PKHD1: variants seen among roughly 807,000 people sequenced by gnomAD.
PKHD1 encodes fibrocystin.
PKHD1 carries 291 observed loss-of-function variants against 412.0 expected under a neutral mutation model. The observed-to-expected ratio is 0.71, with a 90% CI of 0.64 to 0.78. The LOEUF (loss-of-function observed/expected upper bound fraction) is 0.78, where lower values mean the gene tolerates loss of function less well. Among genes scored for constraint, PKHD1 ranks in the 30% least tolerant of loss-of-function variants. PKHD1 has a pLI of 0.00. For missense variants in PKHD1, 4,825 were observed against 4,950.7 expected, an observed-to-expected ratio of 0.97 and a Z score of 0.76; for synonymous variants, 1,777 against 1,821.5, an observed-to-expected ratio of 0.98 and a Z score of 0.62.
At chr6:52,050,348 T>A in intron 21 of PKHD1, 53 bp from the exon 22 acceptor site, 1 of 1,592,664 alleles carries the variant, frequency 6.3e-7, no homozygotes, top group South Asian at 1.1e-5. Context: ...GTAGACTTGC[T>A]GTGTGGAAAA....
rs1203598828 is a variant in PKHD1, at chr6:51,855,988, TATC to T, written c.7813_7815del (p.Asp2605del). 6.2e-7 allele frequency: 1 copy of T among 1,609,778 alleles called. No individual in the cohort carries two copies. Among genetic ancestry groups the T allele is most frequent in the Non-Finnish European group, 8.5e-7 (1 of 1,176,058 alleles). On this transcript the variant is annotated inframe_deletion, in exon 49 of 67. Transcript: ENST00000371117. ...ATCCAGCCACGAGGGTTAGACAATG[TATC>T]ACGTACATAATTGACAGTGGTTGTT...
chr6:51,792,483 A>G (rs946810426), intron 52 of PKHD1, among the ~76,000 whole-genome samples: 1 of 152,230 alleles, frequency 6.6e-6, no homozygotes, highest in Non-Finnish European at 1.5e-5. Context: ...TTCCTGCATT[A>G]TAAGAATGGC....
At chr6:51,800,738 C>T (rs899163029) in intron 52 of PKHD1, among the ~76,000 whole-genome samples, 3 of 152,156 alleles carry the variant, frequency 2.0e-5, no homozygotes, top group Non-Finnish European at 4.4e-5. Flanking sequence ...CAGGCAGACC[C>T]ACTGCTTGTA....
chr6:51,899,721 C>T (rs906361584), intron 43 of PKHD1, among the ~76,000 whole-genome samples: 11 of 152,190 alleles, frequency 7.2e-5, no homozygotes, highest in African/African-American at 2.7e-4. Flanking sequence ...AAGACGAAGT[C>T]AAATTGTCCC....
At position 52,076,296 on chromosome 6, in the gene PKHD1, T is replaced by C. The variant is rs141093030; in HGVS notation, c.428A>G (p.Tyr143Cys). Residue 143 changes from tyrosine to cysteine, a missense_variant, in exon 6 of 67, where the codon TAT becomes TGT. By Grantham distance (194) the Tyr-to-Cys change is radical. Coordinates refer to ENST00000371117, the MANE Select transcript of PKHD1 (RefSeq NM_138694.4). ...KAQTPIVHQV[Y>C]PPSGVPGKLI... ...CTTACCTGGAACACCACTTGGTGGATAAACTTGGTGAACGATGGGTGTCTG... is the reference window on the plus strand; with the variant it reads ...CTTACCTGGAACACCACTTGGTGGACAAACTTGGTGAACGATGGGTGTCTG... 2.6e-5 allele frequency: 42 copies of C among 1,611,538 alleles called. No individual in the cohort carries two copies. Among genetic ancestry groups the C allele is most frequent in the Non-Finnish European group, 3.5e-5 (41 of 1,177,818 alleles).
chr6:51,755,375 T>C (rs1337359396), intron 55 of PKHD1, among the ~76,000 whole-genome samples: 1 of 152,180 alleles, frequency 6.6e-6, no homozygotes, highest in Non-Finnish European at 1.5e-5. Context: ...CTTTTCATCA[T>C]GTGTTACAAA....
At chr6:52,039,561 C>T (rs527476373) in intron 27 of PKHD1, among the ~76,000 whole-genome samples, 3 of 152,178 alleles carry the variant, frequency 2.0e-5, no homozygotes, top group Non-Finnish European at 4.4e-5. Context: ...GTCAATTACA[C>T]CTCTTTTCTT....
In PKHD1 at chr6:52,046,200, G is replaced by C. The variant is rs1207504818; in HGVS notation, c.2408-12C>G. On this transcript the variant is annotated splice_polypyrimidine_tract_variant and intron_variant, in intron 23 of 66. Coordinates refer to ENST00000371117, the MANE Select transcript of PKHD1 (RefSeq NM_138694.4). ...TTGTACAGGGACATCTGTGAGAGAA[G>C]GTTTTGATACAGAAAACACAGACAC... is the stretch of plus-strand genomic sequence containing the variant. 3.7e-6 allele frequency: 6 copies of C among 1,600,258 alleles called. No individual in the cohort carries two copies. Among genetic ancestry groups the C allele is most frequent in the African/African-American group, 1.3e-5 (1 of 74,626 alleles).
At chr6:52,068,371 A>G (rs1342627963) in intron 11 of PKHD1, among the ~76,000 whole-genome samples, 1 of 152,216 alleles carries the variant, frequency 6.6e-6, no homozygotes, top group East Asian at 1.9e-4. Context: ...GAGCTGTGTC[A>G]TCAGAGATAC....
chr6:52,070,354 A>T, intron 10 of PKHD1, 52 bp downstream of exon 10: 1 of 1,032,004 alleles, frequency 9.7e-7, no homozygotes, highest in Non-Finnish European at 1.5e-6. Context: ...TGAGAGAGAT[A>T]GGTAATATAA....
intron 52 of PKHD1, among the ~76,000 whole-genome samples, chr6:51,821,153 A>G (rs1766355440): frequency 6.6e-6 from 1 of 152,232 alleles, no homozygotes; most frequent in South Asian, 2.1e-4. Flanking sequence ...ATTCCATGAG[A>G]CAAAGTTCTT....
chr6:52,078,206 C>A (rs1346730677), intron 5 of PKHD1, among the ~76,000 whole-genome samples: 1 of 152,108 alleles, frequency 6.6e-6, no homozygotes, highest in Non-Finnish European at 1.5e-5. Flanking sequence ...ACTTGTGATT[C>A]TCTCTGAGCT....
chr6:51,707,664 C>A (rs1780171322), intron 60 of PKHD1, among the ~76,000 whole-genome samples: 1 of 152,064 alleles, frequency 6.6e-6, no homozygotes, highest in Non-Finnish European at 1.5e-5. Flanking sequence ...TCCCACTTAC[C>A]CCCAACCCAT....
intron 51 of PKHD1, among the ~76,000 whole-genome samples, chr6:51,831,494 A>T (rs1768240844): frequency 6.6e-6 from 1 of 152,186 alleles, no homozygotes; most frequent in Non-Finnish European, 1.5e-5. Flanking sequence ...GCTACATATC[A>T]TATTTTAAAA....
chr6:51,659,968 A>T lies in PKHD1; in HGVS notation c.10158T>A (p.Gly3386=), dbSNP rs896416453. Residue 3386 remains glycine (G), a splice_region_variant and synonymous_variant, in exon 61 of 67, where the codon GGT becomes GGA. Coordinates refer to ENST00000371117, the MANE Select transcript of PKHD1 (RefSeq NM_138694.4). ...TACATTTCTGTTCTTCTCTAAATGTACCTATAAAAGAAAAGAAGCAAAACA... is the reference window on the plus strand; with the variant it reads ...TACATTTCTGTTCTTCTCTAAATGTTCCTATAAAAGAAAAGAAGCAAAACA... ...AEWTASFFNA[G]TFREEQKCTY... 6.3e-7 allele frequency: 1 copy of T among 1,589,572 alleles called. No homozygotes were observed. Among genetic ancestry groups the T allele is most frequent in the South Asian group, 1.1e-5 (1 of 90,486 alleles).
At chr6:51,830,401 T>C (rs1398391570) in intron 52 of PKHD1, among the ~76,000 whole-genome samples, 2 of 152,182 alleles carry the variant, frequency 1.3e-5, no homozygotes, top group African/African-American at 2.4e-5. Context: ...ATTAACCTAC[T>C]TCTCGGCAAT....
chr6:51,934,595 T>C (rs565147849), intron 36 of PKHD1, among the ~76,000 whole-genome samples: 2 of 151,988 alleles, frequency 1.3e-5, no homozygotes, highest in African/African-American at 4.8e-5. Context: ...AATTTAGGAA[T>C]GGTTAAATAA....
At chr6:51,895,612 G>C (rs1779788493) in intron 43 of PKHD1, among the ~76,000 whole-genome samples, 1 of 152,088 alleles carries the variant, frequency 6.6e-6, no homozygotes. Context: ...AATTGTGCTA[G>C]TGTCTAAAGG....
intron 60 of PKHD1, among the ~76,000 whole-genome samples, chr6:51,714,401 A>T (rs959314119): frequency 6.6e-6 from 1 of 151,952 alleles, no homozygotes; most frequent in Non-Finnish European, 1.5e-5. Flanking sequence ...GATGATTCTC[A>T]TAACAGTCCT....
Sources: gnomAD v4.1 joint callset for allele counts (sites outside exome capture counted in the v4.1 genomes callset) on GRCh38, gnomAD v4.1.1 for gene constraint, MANE v1.5 for transcripts, NCBI Gene and HGNC (gene_info 2026-07-23, HGNC 2026-07-21) for gene names.